Variants in ADAMTS6 observed in about 807,000 individuals in gnomAD.
The protein encoded by ADAMTS6 is ADAM metallopeptidase with thrombospondin type 1 motif 6.
Under a neutral mutation model 144.3 loss-of-function variants are expected in ADAMTS6, and 23 were observed. The ratio of observed to expected loss-of-function variants is 0.16; its 90% CI spans 0.11 to 0.23. The LOEUF (loss-of-function observed/expected upper bound fraction) is 0.23. Among genes scored for constraint, ADAMTS6 ranks in the 10% least tolerant of loss-of-function variants. ADAMTS6 has a pLI of 1.00. For missense variants in ADAMTS6, 999 were observed against 1,379.6 expected (o/e 0.72, Z 4.37); for synonymous variants, 444 against 457.5 (o/e 0.97, Z 0.38).
intron 9 of ADAMTS6, among the ~76,000 whole-genome samples, chr5:65,307,206 C>A (rs887122936): frequency 1.3e-5 from 2 of 152,122 alleles, no homozygotes; most frequent in Admixed American, 1.3e-4. Context: ...AAGAAACTGC[C>A]AAAGTGTCTT....
At position 65,262,872 on chromosome 5, in the gene ADAMTS6, T is replaced by A; in HGVS notation, c.1711A>T (p.Ser571Cys). ...WGPWSLWGEC[S>C]RTCGGGVSSS... ...GAGACGCCTCCCCCGCAGGTCCTGC[T>A]GCACTCTCCCCATAGTGACCAGGGA... The change falls in exon 13 of 25, where the codon AGC becomes TGC. Residue 571 changes from serine to cysteine, a missense_variant. Ser to Cys is a moderately radical substitution (Grantham distance 112). Around this residue, in one of 3 missense-constraint regions of ADAMTS6, gnomAD observed 619 missense variants for 837.0 expected, o/e 0.74. Transcript: ENST00000381055. 1 of 1,607,300 alleles carries A rather than the reference T, an allele frequency of 6.2e-7. No homozygotes were observed. The highest frequency in any genetic ancestry group is 8.5e-7 in the Non-Finnish European group (1 of 1,176,974).
At chr5:65,318,582 G>A (rs1335349007) in intron 9 of ADAMTS6, among the ~76,000 whole-genome samples, 2 of 152,130 alleles carry the variant, frequency 1.3e-5, no homozygotes, top group African/African-American at 4.8e-5. Context: ...TTGCAACAAC[G>A]TGGATGGAAC....
At chr5:65,223,142 T>C (rs2112379937) in intron 18 of ADAMTS6, among the ~76,000 whole-genome samples, 1 of 152,272 alleles carries the variant, frequency 6.6e-6, no homozygotes, top group South Asian at 2.1e-4. Context: ...GATAGAAATA[T>C]AAAATAATAC....
At chr5:65,155,816 A>G (rs1752380216) in intron 24 of ADAMTS6, among the ~76,000 whole-genome samples, 1 of 152,196 alleles carries the variant, frequency 6.6e-6, no homozygotes, top group African/African-American at 2.4e-5. Context: ...TGATAAATCA[A>G]CTTGGAGCAT....
At chr5:65,189,454 C>G (rs1351033120) in intron 21 of ADAMTS6, among the ~76,000 whole-genome samples, 2 of 152,154 alleles carry the variant, frequency 1.3e-5, no homozygotes, top group East Asian at 1.9e-4. Flanking sequence ...GTGAAATTAG[C>G]TGATTTCAAA....
chr5:65,311,269 T>TAA (rs1187815118), intron 9 of ADAMTS6, among the ~76,000 whole-genome samples: 1 of 152,008 alleles, frequency 6.6e-6, no homozygotes, highest in Non-Finnish European at 1.5e-5. Flanking sequence ...TACTATATAA[T>TAA]AAGTAATAAA....
intron 7 of ADAMTS6, among the ~76,000 whole-genome samples, chr5:65,380,272 C>A (rs1241583509): frequency 6.6e-6 from 1 of 151,756 alleles, no homozygotes; most frequent in South Asian, 2.1e-4. Flanking sequence ...ACTATACTAC[C>A]TTTAAAAATA....
rs1190233134 is a variant in ADAMTS6 at position 65,473,813 on chromosome 5, C to T, written c.-140G>A. The stretch of plus-strand genomic sequence containing the variant: ...ATTGGATGTTCCACTGTTTAAGAGC[C>T]ACTTTTATCCAACATCCTGCACTTT... On this transcript the variant is annotated 5_prime_UTR_variant, in exon 2 of 25. Coordinates refer to ENST00000381055, the MANE Select transcript of ADAMTS6 (RefSeq NM_197941.4). 2 of 604,450 alleles carry T rather than the reference C, an allele frequency of 3.3e-6. No individual in the cohort carries two copies. Among genetic ancestry groups the T allele is most frequent in the Non-Finnish European group, 5.9e-6 (2 of 336,256 alleles). 37.4% of individuals were successfully genotyped at this position (604,450 alleles called of 1,614,324 possible). A position where few individuals can be genotyped will look rare whatever the true frequency, so the allele number is the denominator to read the frequency against.
intron 11 of ADAMTS6, among the ~76,000 whole-genome samples, chr5:65,275,938 G>A (rs1268946810): frequency 6.6e-6 from 1 of 151,972 alleles, no homozygotes; most frequent in Admixed American, 6.6e-5. Context: ...CTGATCTTTT[G>A]TGATCTTTAT....
chr5:65,171,550 TGA>T (rs1163091093), intron 23 of ADAMTS6, among the ~76,000 whole-genome samples: 5 of 152,144 alleles, frequency 3.3e-5, no homozygotes, highest in African/African-American at 7.2e-5. Flanking sequence ...AGTAGAATAA[TGA>T]GAGATTGTAG....
chr5:65,447,416 A>C (rs1037358560), intron 7 of ADAMTS6, among the ~76,000 whole-genome samples: 5 of 152,182 alleles, frequency 3.3e-5, no homozygotes, highest in Admixed American at 1.3e-4. Context: ...GCCATTTTAC[A>C]ATGTTGAGAT....
intron 9 of ADAMTS6, among the ~76,000 whole-genome samples, chr5:65,307,807 C>T (rs1010185597): frequency 2.6e-5 from 4 of 152,174 alleles, no homozygotes; most frequent in Non-Finnish European, 5.9e-5. Context: ...TCTTTTATAT[C>T]CCAGTCTGAG....
Position 65,304,615 on chromosome 5 carries a change from A to G in ADAMTS6, c.1224-4484T>C, listed in dbSNP as rs565497596. ...ACCTGGAAAATTTTTAAATTTTCAT[A>G]AAGACGGGATCTCTCTATGTTACCC... On this transcript the variant is annotated intron_variant, in intron 9 of 24. Transcript: ENST00000381055. Among the ~76,000 whole-genome samples the G allele has an allele frequency of 5.3e-5, 8 of 152,222 alleles. No individual in the cohort carries two copies. In the East Asian group the frequency reaches 1.5e-3, roughly 29 times the overall value.
At chr5:65,436,501 T>C (rs762922838) in intron 7 of ADAMTS6, among the ~76,000 whole-genome samples, 1 of 152,052 alleles carries the variant, frequency 6.6e-6, no homozygotes, top group Admixed American at 6.6e-5. Flanking sequence ...TTCATTCAAA[T>C]CATTTAAGAA....
At chr5:65,355,606 CTGTT>C (rs1749242310) in intron 7 of ADAMTS6, among the ~76,000 whole-genome samples, 1 of 151,768 alleles carries the variant, frequency 6.6e-6, no homozygotes, top group Non-Finnish European at 1.5e-5. Flanking sequence ...AAAATAATGA[CTGTT>C]TGAGAGGTAA....
chr5:65,369,515 C>T (rs564764665), intron 7 of ADAMTS6, among the ~76,000 whole-genome samples: 36 of 149,630 alleles, frequency 2.4e-4, no homozygotes, highest in African/African-American at 8.3e-4. Flanking sequence ...CTAGCTAAAC[C>T]ATTAATCACT....
intron 16 of ADAMTS6, among the ~76,000 whole-genome samples, chr5:65,225,464 A>G (rs1443922692): frequency 6.6e-6 from 1 of 152,190 alleles, no homozygotes; most frequent in Non-Finnish European, 1.5e-5. Context: ...CAGACAAGTA[A>G]AAAAATTTAT....
intron 7 of ADAMTS6, among the ~76,000 whole-genome samples, chr5:65,385,307 A>C (rs1021212162): frequency 6.6e-6 from 1 of 152,242 alleles, no homozygotes; most frequent in Non-Finnish European, 1.5e-5. Flanking sequence ...TTTTTTATTC[A>C]CAAATGTAGA....
chr5:65,230,052 A>G (rs908671059), intron 15 of ADAMTS6, among the ~76,000 whole-genome samples: 1 of 151,966 alleles, frequency 6.6e-6, no homozygotes, highest in Non-Finnish European at 1.5e-5. Context: ...GTCTATCAGC[A>G]GATTTCTCAG....
Sources: gnomAD v4.1 joint callset for allele counts (sites outside exome capture counted in the v4.1 genomes callset) on GRCh38, gnomAD v4.1.1 for gene constraint, gnomAD v4.1.1 regional missense constraint, MANE v1.5 for transcripts, NCBI Gene and HGNC (gene_info 2026-07-23, HGNC 2026-07-21) for gene names.